The following NCKAP5 variants were observed in gnomAD, a reference collection of about 807,000 sequenced individuals.
The protein encoded by NCKAP5 is NCK associated protein 5.
NCKAP5 carries 92 observed loss-of-function variants against 167.0 expected under a neutral mutation model. The observed-to-expected ratio is 0.55, with a 90% CI of 0.47 to 0.66. The LOEUF (loss-of-function observed/expected upper bound fraction) is 0.66. NCKAP5 is among the 30% of genes least tolerant of loss of function. NCKAP5 has a pLI of 0.00. For synonymous variants in NCKAP5, 891 were observed against 877.4 expected (o/e 1.02, Z -0.27); for missense variants, 2,378 against 2,315.0 (o/e 1.03, Z -0.56).
intron 8 of NCKAP5, among the ~76,000 whole-genome samples, chr2:132,947,319 T>C (rs894042068): frequency 6.6e-6 from 1 of 152,228 alleles, no homozygotes; most frequent in African/African-American, 2.4e-5. Flanking sequence ...TTGAATAGTA[T>C]AGCTGATTTA....
chr2:133,042,322 A>T (rs79626300), intron 6 of NCKAP5, among the ~76,000 whole-genome samples: 232 of 152,274 alleles, frequency 1.5e-3, no homozygotes, highest in Non-Finnish European at 2.2e-3. Context: ...CTCACTGAGT[A>T]GCACTGAGTA....
At chr2:132,749,884 G>A (rs1679966994) in intron 16 of NCKAP5, among the ~76,000 whole-genome samples, 1 of 152,150 alleles carries the variant, frequency 6.6e-6, no homozygotes, top group Non-Finnish European at 1.5e-5. Flanking sequence ...TAGTATAAAG[G>A]AGTCCCTTGC....
intron 8 of NCKAP5, among the ~76,000 whole-genome samples, chr2:132,922,799 T>C (rs1404872934): frequency 2.0e-5 from 3 of 152,222 alleles, no homozygotes; most frequent in Non-Finnish European, 4.4e-5. Flanking sequence ...CACATATGTC[T>C]GACACCAAAG....
At chr2:133,303,915 T>G (rs1035937696) in intron 3 of NCKAP5, among the ~76,000 whole-genome samples, 1 of 152,198 alleles carries the variant, frequency 6.6e-6, no homozygotes, top group Non-Finnish European at 1.5e-5. Context: ...AAATACAACC[T>G]ATACAAATTC....
intron 3 of NCKAP5, among the ~76,000 whole-genome samples, chr2:133,459,027 T>C (rs1356866420): frequency 1.3e-5 from 2 of 152,186 alleles, no homozygotes; most frequent in South Asian, 2.1e-4. Context: ...TGGCTAGTGA[T>C]GGACCTTCCT....
At chr2:132,803,450 T>C (rs1685190184) in intron 11 of NCKAP5, among the ~76,000 whole-genome samples, 1 of 152,250 alleles carries the variant, frequency 6.6e-6, no homozygotes, top group African/African-American at 2.4e-5. Flanking sequence ...TAAAATACTT[T>C]TGAAACAATT....
chr2:133,553,220 A>G (rs762338662), intron 2 of NCKAP5, among the ~76,000 whole-genome samples: 2 of 152,248 alleles, frequency 1.3e-5, no homozygotes, highest in African/African-American at 2.4e-5. Context: ...GAGGTGGACT[A>G]TAAGTTTTGA....
chr2:133,184,126 G>A (rs997713680), intron 5 of NCKAP5, among the ~76,000 whole-genome samples: 2 of 151,720 alleles, frequency 1.3e-5, no homozygotes, highest in African/African-American at 4.8e-5. Flanking sequence ...CTTCCTCCCT[G>A]CTCTAGTAGT....
intron 8 of NCKAP5, among the ~76,000 whole-genome samples, chr2:132,903,021 C>A (rs1693745591): frequency 6.6e-6 from 1 of 152,134 alleles, no homozygotes; most frequent in Non-Finnish European, 1.5e-5. Context: ...GGGTCACTTG[C>A]CTCTTTACCA....
intron 6 of NCKAP5, among the ~76,000 whole-genome samples, chr2:133,013,161 C>T (rs72842413): frequency 0.054 from 8,162 of 152,250 alleles, 330 homozygotes; most frequent in Non-Finnish European, 0.085. Flanking sequence ...TTTTCTTCCT[C>T]TGCCAACAGT....
intron 2 of NCKAP5, among the ~76,000 whole-genome samples, chr2:133,528,842 G>A (rs976195639): frequency 7.9e-5 from 12 of 152,082 alleles, no homozygotes; most frequent in Admixed American, 7.9e-4. Context: ...GCCTCACTAG[G>A]GCTTGCCCAT....
intron 6 of NCKAP5, among the ~76,000 whole-genome samples, chr2:133,006,702 T>C (rs995226276): frequency 3.3e-5 from 5 of 152,140 alleles, no homozygotes; most frequent in African/African-American, 4.8e-5. Context: ...CTGAATAATG[T>C]CCAAAGCAGC....
intron 9 of NCKAP5, among the ~76,000 whole-genome samples, chr2:132,869,860 G>A (rs1690665288): frequency 6.6e-6 from 1 of 152,180 alleles, no homozygotes; most frequent in Non-Finnish European, 1.5e-5. Context: ...TTATGGAGCT[G>A]TACTGTCTAT....
intron 6 of NCKAP5, among the ~76,000 whole-genome samples, chr2:133,037,877 T>C (rs2079088048): frequency 6.6e-6 from 1 of 152,026 alleles, no homozygotes. Flanking sequence ...TGGGAGAAAA[T>C]ATCTACAAAC....
At chr2:133,483,517 G>A (rs1647354859) in intron 3 of NCKAP5, among the ~76,000 whole-genome samples, 1 of 151,378 alleles carries the variant, frequency 6.6e-6, no homozygotes, top group African/African-American at 2.4e-5. Flanking sequence ...TTGGGTGTGT[G>A]TGTTTTACCC....
At chr2:133,262,442 T>TG (rs2088955851) in intron 4 of NCKAP5, among the ~76,000 whole-genome samples, 1 of 152,224 alleles carries the variant, frequency 6.6e-6, no homozygotes, top group Non-Finnish European at 1.5e-5. Flanking sequence ...CCTTCCCACC[T>TG]GCTACAGTAC....
At chr2:133,652,734 T>A in the NCKAP5 span, among the ~76,000 whole-genome samples, 1 of 152,194 alleles carries the variant, frequency 6.6e-6, no homozygotes, top group Non-Finnish European at 1.5e-5. Flanking sequence ...CCTGTCTAAA[T>A]CTCTGTTGCT....
chr2:133,615,767 C>G, the NCKAP5 span, among the ~76,000 whole-genome samples: 6 of 151,968 alleles, frequency 3.9e-5, no homozygotes, highest in Non-Finnish European at 8.8e-5. Flanking sequence ...ACAAGGATAC[C>G]CAGGAATTGA....
At chr2:133,269,372 G>A (rs1021424169) in intron 4 of NCKAP5, among the ~76,000 whole-genome samples, 3 of 152,122 alleles carry the variant, frequency 2.0e-5, no homozygotes, top group African/African-American at 4.8e-5. Context: ...TGGGCTGGGT[G>A]GTGCACAAGT....
Sources: gnomAD v4.1 joint callset for allele counts (sites outside exome capture counted in the v4.1 genomes callset) on GRCh38, gnomAD v4.1.1 for gene constraint, MANE v1.5 for transcripts, NCBI Gene and HGNC (gene_info 2026-07-23, HGNC 2026-07-21) for gene names.